SPATA1: variants seen among roughly 807,000 people sequenced by gnomAD.
SPATA1 encodes spermatogenesis-associated protein 1.
SPATA1 carries 57 observed loss-of-function variants against 59.6 expected under a neutral mutation model. That is an observed-to-expected ratio of 0.96 (90% CI 0.77 to 1.19). SPATA1 has a LOEUF of 1.19. Ranked by LOEUF, SPATA1 falls within the 50% of genes most tolerant of loss-of-function variation. The pLI is 0.00. For synonymous variants in SPATA1, 147 were observed against 163.9 expected (o/e 0.90, Z 0.79); for missense variants, 448 against 480.7 (o/e 0.93, Z 0.64).
chr1:84,537,878 A>G (rs1044825905), intron 8 of SPATA1, among the ~76,000 whole-genome samples: 1 of 152,170 alleles, frequency 6.6e-6, no homozygotes, highest in Non-Finnish European at 1.5e-5. Context: ...CCCTTAATTC[A>G]TGAATGTATA....
At chr1:84,516,446 T>C in intron 2 of SPATA1, 51 bp downstream of exon 2, 4 of 1,173,688 alleles carry the variant, frequency 3.4e-6, no homozygotes, top group African/African-American at 1.6e-5. Flanking sequence ...CTTATCACTG[T>C]TTTTGAAAAG....
chr1:84,544,906 A>G (rs1684035715), intron 9 of SPATA1, among the ~76,000 whole-genome samples: 1 of 151,446 alleles, frequency 6.6e-6, no homozygotes, highest in Non-Finnish European at 1.5e-5. Flanking sequence ...CACCAACATT[A>G]TTTCATTTTA....
At chr1:84,546,354 G>A (rs1280457843) in intron 10 of SPATA1, among the ~76,000 whole-genome samples, 1 of 151,248 alleles carries the variant, frequency 6.6e-6, no homozygotes, top group Non-Finnish European at 1.5e-5. Flanking sequence ...AGTGACTGCA[G>A]AGGCTAAGGC....
intron 1 of SPATA1, among the ~76,000 whole-genome samples, chr1:84,508,624 G>A (rs1682390599): frequency 1.3e-5 from 2 of 152,184 alleles, no homozygotes; most frequent in South Asian, 2.1e-4. Flanking sequence ...CAATTAATTA[G>A]TACCCTAAGT....
At chr1:84,544,247 C>T (rs1222739338) in exon 9 of SPATA1, 7 of 1,599,434 alleles carry the variant, frequency 4.4e-6, no homozygotes, top group South Asian at 1.1e-5. Flanking sequence ...CCCTTCACTT[C>T]CTTGTCAACC....
chr1:84,526,829 T>C (rs1024149196), intron 6 of SPATA1, among the ~76,000 whole-genome samples: 2 of 126,136 alleles, frequency 1.6e-5, no homozygotes, highest in African/African-American at 6.3e-5. Flanking sequence ...GATGGCACCA[T>C]CACCCTCCAG....
exon 9 of SPATA1, chr1:84,544,253 C>A: frequency 6.3e-7 from 1 of 1,598,740 alleles, no homozygotes; most frequent in Non-Finnish European, 8.5e-7. Flanking sequence ...ACTTCCTTGT[C>A]AACCTGTTCT....
intron 1 of SPATA1, among the ~76,000 whole-genome samples, chr1:84,508,980 G>A (rs1429673513): frequency 6.6e-6 from 1 of 152,150 alleles, no homozygotes; most frequent in Non-Finnish European, 1.5e-5. Context: ...TAGTTAAAAT[G>A]TCTCTAATAC....
intron 10 of SPATA1, among the ~76,000 whole-genome samples, chr1:84,547,499 A>C (rs990204929): frequency 6.6e-6 from 1 of 152,228 alleles, no homozygotes; most frequent in African/African-American, 2.4e-5. Context: ...GACAATAAAC[A>C]AGTAAGACAA....
At chr1:84,551,030 TG>T in intron 12 of SPATA1, 1 of 985,344 alleles carries the variant, frequency 1.0e-6, no homozygotes. Flanking sequence ...GTTTCTCCCA[TG>T]GGACCTTTTG....
At chr1:84,550,696 G>C (rs1570456657) in intron 12 of SPATA1, 166 bp downstream of exon 12, 1 of 1,192,150 alleles carries the variant, frequency 8.4e-7, no homozygotes, top group East Asian at 3.5e-5. Context: ...AATGCAGGAA[G>C]AAAAACTAAA....
downstream of SPATA1, among the ~76,000 whole-genome samples, chr1:84,556,764 G>GAATACAC (rs968738107): frequency 2.7e-5 from 4 of 149,440 alleles, no homozygotes; most frequent in African/African-American, 9.9e-5. Flanking sequence ...CCTGGTAAAT[G>GAATACAC]AATACACTGC....
exon 4 of SPATA1, chr1:84,522,424 G>C (rs1211322227): frequency 6.6e-7 from 1 of 1,507,630 alleles, no homozygotes; most frequent in Non-Finnish European, 8.9e-7. Context: ...AGCCCTGAGG[G>C]AGCGTCTTGG....
At position 84,522,524 on chromosome 1, in the gene SPATA1, T is replaced by C. The variant is rs775743305; in HGVS notation, c.261+17T>C. ...TTAGCTGTGGTAAGTTTTCTTTTTT[T>C]TTCTTTCTGATTGAGAAAGACCATA... is the stretch of plus-strand genomic sequence containing the variant. On this transcript the variant is annotated intron_variant, in intron 4 of 12. Transcript: ENST00000490879. The C allele has an allele frequency of 5.0e-6, 7 of 1,408,164 alleles. No homozygotes were observed. In the Admixed American group the frequency reaches 1.6e-4, roughly 32 times the overall value. 87.2% of individuals were successfully genotyped at this position (1,408,164 alleles called of 1,614,324 possible).
chr1:84,553,122 T>C (rs977371162), exon 13 of SPATA1: 8 of 1,454,762 alleles, frequency 5.5e-6, no homozygotes, highest in Non-Finnish European at 7.4e-6. Context: ...CAATCTCAAT[T>C]AGGTATGTTA....
At chr1:84,551,318 T>A (rs912368023) in intron 12 of SPATA1, 87 of 960,880 alleles carry the variant, frequency 9.1e-5, no homozygotes, top group African/African-American at 1.8e-4. Context: ...TTTAAAAAAA[T>A]TTTAAAAAGA....
chr1:84,553,295 A>C (rs537235009), exon 13 of SPATA1: 223 of 377,744 alleles, frequency 5.9e-4, no homozygotes, highest in Non-Finnish European at 7.9e-4. Flanking sequence ...ATGTAATATA[A>C]AGCAAAATGA....
intron 1 of SPATA1, among the ~76,000 whole-genome samples, chr1:84,509,208 T>TAAAAAATAA (rs1553216588): frequency 7.4e-6 from 1 of 134,424 alleles, no homozygotes; most frequent in Non-Finnish European, 1.6e-5. Flanking sequence ...GGTACTGGCA[T>TAAAAAATAA]AAAAAAAAAA....
At chr1:84,529,946 T>C (rs1262728822) in intron 6 of SPATA1, among the ~76,000 whole-genome samples, 1 of 151,130 alleles carries the variant, frequency 6.6e-6, no homozygotes, top group Non-Finnish European at 1.5e-5. Context: ...AACTTCCGCC[T>C]CCTGGGTTCA....
Sources: gnomAD v4.1 joint callset for allele counts (sites outside exome capture counted in the v4.1 genomes callset) on GRCh38, gnomAD v4.1.1 for gene constraint, MANE v1.5 for transcripts, NCBI Gene and HGNC (gene_info 2026-07-23, HGNC 2026-07-21) for gene names.